Variants in RYR3 observed in about 807,000 individuals in gnomAD.
RYR3 encodes ryanodine receptor 3, also known as brain ryanodine receptor-calcium release channel.
A neutral mutation model predicts 584.3 loss-of-function variants in RYR3; 207 were observed. The observed-to-expected ratio is 0.35, with a 90% CI of 0.32 to 0.40. The LOEUF (loss-of-function observed/expected upper bound fraction) is 0.40, where lower values mean the gene tolerates loss of function less well. Among genes scored for constraint, RYR3 ranks in the 10% least tolerant of loss-of-function variants. The pLI is 1.00. For missense variants in RYR3, 5,616 were observed against 6,089.2 expected, an observed-to-expected ratio of 0.92 and a Z score of 2.59; for synonymous variants, 2,416 against 2,248.5, an observed-to-expected ratio of 1.07 and a Z score of -2.11.
intron 1 of RYR3, among the ~76,000 whole-genome samples, chr15:33,397,327 A>G (rs565999414): frequency 1.3e-5 from 2 of 152,368 alleles, no homozygotes; most frequent in Admixed American, 1.3e-4. Flanking sequence ...TGATACGGAC[A>G]CAAGCATATT....
chr15:33,411,999 T>C (rs1052773129), intron 1 of RYR3, among the ~76,000 whole-genome samples: 1 of 152,336 alleles, frequency 6.6e-6, no homozygotes. Context: ...CAGTTGTCTG[T>C]CAAGAAATCT....
At chr15:33,515,471 A>C (rs769624384) in intron 3 of RYR3, among the ~76,000 whole-genome samples, 3 of 152,224 alleles carry the variant, frequency 2.0e-5, no homozygotes, top group Non-Finnish European at 4.4e-5. Context: ...TCTCTCAATA[A>C]TATAGTCTCT....
intron 3 of RYR3, among the ~76,000 whole-genome samples, chr15:33,513,916 T>G (rs2053259108): frequency 6.6e-6 from 1 of 152,204 alleles, no homozygotes; most frequent in Non-Finnish European, 1.5e-5. Context: ...CTTCCTATAT[T>G]GATGATTAGT....
At chr15:33,740,044 C>T in intron 51 of RYR3, 49 bp downstream of exon 51, 1 of 1,538,434 alleles carries the variant, frequency 6.5e-7, no homozygotes, top group Non-Finnish European at 8.9e-7. Context: ...GTCCAATAGC[C>T]AATGTTTTCT....
intron 50 of RYR3, among the ~76,000 whole-genome samples, chr15:33,738,906 T>C (rs1424101574): frequency 1.3e-5 from 2 of 152,180 alleles, no homozygotes; most frequent in African/African-American, 4.8e-5. Context: ...CCCCATTCGT[T>C]TCCCCCTGAT....
At position 33,647,521 on chromosome 15, in the gene RYR3, T is replaced by C. The variant is rs182645367; in HGVS notation, c.3978+61T>C. 216 of 1,220,058 alleles carry C rather than the reference T, an allele frequency of 1.8e-4. No homozygotes were observed. In the African/African-American group the frequency reaches 2.8e-3, roughly 16 times the overall value. 75.6% of individuals were successfully genotyped at this position (1,220,058 alleles called of 1,614,324 possible). A position where few individuals can be genotyped will look rare whatever the true frequency, so the allele number is the denominator to read the frequency against. ...TGATTCTTTGTTGTGCCTGGTAATA[T>C]GCCCCTTACAGCAAAGATCCGTCTA... On this transcript the variant is annotated intron_variant, in intron 30 of 103. Transcript: ENST00000634891.
chr15:33,526,823 A>G (rs1425680801), intron 3 of RYR3, among the ~76,000 whole-genome samples: 1 of 152,228 alleles, frequency 6.6e-6, no homozygotes, highest in Non-Finnish European at 1.5e-5. Flanking sequence ...TTCATATTAA[A>G]AATAATACCA....
chr15:33,812,395 A>G (rs1479987455), intron 72 of RYR3, among the ~76,000 whole-genome samples: 4 of 152,216 alleles, frequency 2.6e-5, no homozygotes, highest in Admixed American at 6.5e-5. Flanking sequence ...ATAAAATTAA[A>G]ACATTTAAAG....
intron 1 of RYR3, among the ~76,000 whole-genome samples, chr15:33,347,163 G>A (rs1351870829): frequency 1.3e-5 from 2 of 152,096 alleles, no homozygotes; most frequent in African/African-American, 4.8e-5. Context: ...CCACAGTAAA[G>A]TTACCCCCAT....
intron 46 of RYR3, among the ~76,000 whole-genome samples, chr15:33,728,106 A>G (rs112571960): frequency 0.029 from 4,351 of 152,294 alleles, 89 homozygotes; most frequent in African/African-American, 0.057. Flanking sequence ...ATCTGTCTTC[A>G]TTCATGTTTT....
chr15:33,571,712 G>T (rs1302656363), intron 12 of RYR3, among the ~76,000 whole-genome samples: 2 of 152,138 alleles, frequency 1.3e-5, no homozygotes. Context: ...TGTGTCCCTT[G>T]TAGACAACAC....
chr15:33,327,604 G>T (rs1021514948), intron 1 of RYR3, among the ~76,000 whole-genome samples: 4 of 152,104 alleles, frequency 2.6e-5, no homozygotes, highest in Admixed American at 6.5e-5. Context: ...AAACAATCAG[G>T]TGCTTGATCA....
chr15:33,810,661 G>T lies in RYR3; in HGVS notation c.10197+12G>T, dbSNP rs371520925. On this transcript the variant is annotated intron_variant, in intron 71 of 103. Coordinates refer to ENST00000634891, the MANE Select transcript of RYR3 (RefSeq NM_001036.6). ...CGCGATACAGCCATGTAAGCTGCCC[G>T]TCTGCCTGGGCTGAGTGTGTGATCC... The T allele has an allele frequency of 1.9e-6, 3 of 1,613,880 alleles. No homozygotes were observed. Among genetic ancestry groups the T allele is most frequent in the Non-Finnish European group, 1.7e-6 (2 of 1,179,842 alleles).
At chr15:33,680,381 G>A (rs1419653655) in intron 38 of RYR3, among the ~76,000 whole-genome samples, 1 of 152,200 alleles carries the variant, frequency 6.6e-6, no homozygotes, top group Non-Finnish European at 1.5e-5. Context: ...GTTTAGCGAT[G>A]GAGCCAGCCA....
chr15:33,499,489 G>A (rs1262804209), intron 2 of RYR3, among the ~76,000 whole-genome samples: 1 of 152,040 alleles, frequency 6.6e-6, no homozygotes, highest in African/African-American at 2.4e-5. Context: ...GTAAGGCAGG[G>A]ATTTTGCCTT....
chr15:33,539,670 T>G (rs933123148), intron 6 of RYR3, among the ~76,000 whole-genome samples: 1 of 152,116 alleles, frequency 6.6e-6, no homozygotes, highest in African/African-American at 2.4e-5. Flanking sequence ...CCTAAAAACT[T>G]AACTTTTGAT....
rs370732432 is a variant in RYR3, at chr15:33,696,218, C to G, written c.5861C>G (p.Thr1954Arg). The G allele has an allele frequency of 1.1e-5, 17 of 1,611,838 alleles. No homozygotes were observed. The highest frequency in any genetic ancestry group is 1.4e-5 in the Non-Finnish European group (17 of 1,178,594). The change falls in exon 39 of 104, where the codon ACA becomes AGA. Residue 1954 changes from threonine (T) to arginine (R), a missense_variant and splice_region_variant. Transcript: ENST00000634891. ...CTGCTCCCTCCTGTTGTCCTTCCAG[C>G]AACATTGAAGGAACTCATCTCACAG... ...QPTEEEERCPTTLKELISQTM... is the reference protein window; with the variant it reads ...QPTEEEERCPRTLKELISQTM...
intron 18 of RYR3, among the ~76,000 whole-genome samples, chr15:33,606,121 T>TA (rs1312192835): frequency 6.6e-6 from 1 of 152,220 alleles, no homozygotes; most frequent in Non-Finnish European, 1.5e-5. Context: ...GCTTTGGAGT[T>TA]ACGCCTGGGT....
intron 31 of RYR3, among the ~76,000 whole-genome samples, chr15:33,651,946 T>C (rs1394283848): frequency 6.6e-6 from 1 of 152,168 alleles, no homozygotes; most frequent in East Asian, 1.9e-4. Flanking sequence ...CCACTGCACA[T>C]CTCCACAGCT....
Sources: allele counts gnomAD v4.1 joint callset (sites outside exome capture counted in the v4.1 genomes callset), GRCh38; gene constraint gnomAD v4.1.1; transcripts MANE v1.5; gene names NCBI Gene and HGNC (gene_info 2026-07-23, HGNC 2026-07-21).